Variants in FAF1 observed in about 807,000 individuals in gnomAD.
FAF1 encodes FAS-associated factor 1.
FAF1 carries 25 observed loss-of-function variants against 92.5 expected under a neutral mutation model. That is an observed-to-expected ratio of 0.27 (90% CI 0.20 to 0.38). The LOEUF (loss-of-function observed/expected upper bound fraction) is 0.38, where lower values mean the gene tolerates loss of function less well. FAF1 is among the 10% of genes least tolerant of loss of function. The probability of loss-of-function intolerance (pLI) is 1.00; values close to 1 mark genes in which losing one functional copy is unlikely to be tolerated. For missense variants in FAF1, 636 were observed against 793.3 expected, an observed-to-expected ratio of 0.80 and a Z score of 2.38; for synonymous variants, 234 against 273.2, an observed-to-expected ratio of 0.86 and a Z score of 1.42.
At chr1:50,846,541 G>T in intron 2 of FAF1, 1 of 509,158 alleles carries the variant, frequency 2.0e-6, no homozygotes. Flanking sequence ...TGAAACATAC[G>T]ATAGAGGTTC....
At position 50,439,479 on chromosome 1, in the gene FAF1, TTAGAG is replaced by T. The variant is rs551710067; in HGVS notation, c.*1956_*1960del. On this transcript the variant is annotated 3_prime_UTR_variant, in exon 19 of 19. Coordinates refer to ENST00000396153, the MANE Select transcript of FAF1 (RefSeq NM_007051.3). Reference sequence around the variant, plus strand: ...TTTAATAACTTCCATGAAATTGGCTTTAGAGTAAAGTCTATATTGTTGTAATACAG... The same window carrying T: ...TTTAATAACTTCCATGAAATTGGCTTTAAAGTCTATATTGTTGTAATACAG... 329 of 152,318 alleles carry T rather than the reference TTAGAG, an allele frequency of 2.2e-3. 1 individual carries two copies. Among genetic ancestry groups the T allele is most frequent in the African/African-American group, 7.5e-3 (310 of 41,574 alleles). 9.4% of individuals were successfully genotyped at this position (152,318 alleles called of 1,614,324 possible).
intron 8 of FAF1, among the ~76,000 whole-genome samples, chr1:50,642,821 TC>T (rs1303225429): frequency 1.3e-5 from 2 of 152,040 alleles, no homozygotes; most frequent in African/African-American, 4.8e-5. Context: ...TGTTCTCTGT[TC>T]CCTTTTTTTC....
rs953594097 is a variant in FAF1 at position 50,583,253 on chromosome 1, GA to G, written c.1031+398del. ...GAAGAAATGTAAAGCAATTCCAAAAGAAAAAAATAAAGGAAAAAATTCACTT... is the reference window on the plus strand; with the variant it reads ...GAAGAAATGTAAAGCAATTCCAAAAGAAAAAATAAAGGAAAAAATTCACTT... On this transcript the variant is annotated intron_variant, in intron 11 of 18. Transcript: ENST00000396153. The surrounding 1 kb of genome is among the most constrained non-coding windows in gnomAD (Gnocchi z 4.2). 4.8e-4 allele frequency among the ~76,000 whole-genome samples: 73 copies of G among 150,668 alleles called. 1 individual carries two copies. Among genetic ancestry groups the G allele is most frequent in the African/African-American group, 1.8e-3 (72 of 41,008 alleles).
chr1:50,872,109 T>C (rs1644533457), intron 1 of FAF1, among the ~76,000 whole-genome samples: 1 of 151,068 alleles, frequency 6.6e-6, no homozygotes, highest in Non-Finnish European at 1.5e-5. Flanking sequence ...TTCATAAAGC[T>C]ATAATAGCTG....
intron 6 of FAF1, among the ~76,000 whole-genome samples, chr1:50,720,416 T>G (rs968514911): frequency 2.0e-5 from 3 of 152,220 alleles, no homozygotes; most frequent in Non-Finnish European, 4.4e-5. Context: ...TTATATCAAT[T>G]TATTCTTGAG....
chr1:50,742,861 A>G (rs1659442685), intron 5 of FAF1, among the ~76,000 whole-genome samples: 1 of 152,138 alleles, frequency 6.6e-6, no homozygotes, highest in Non-Finnish European at 1.5e-5. Flanking sequence ...CTGTGGGTCA[A>G]ACCCAGCCTG....
intron 1 of FAF1, among the ~76,000 whole-genome samples, chr1:50,875,544 C>T (rs573924939): frequency 3.3e-5 from 5 of 152,196 alleles, no homozygotes; most frequent in African/African-American, 1.2e-4. Context: ...CCTCCCTCTC[C>T]CAGGTTCAAG....
chr1:50,615,804 T>A (rs1652889023), intron 8 of FAF1, among the ~76,000 whole-genome samples: 1 of 152,110 alleles, frequency 6.6e-6, no homozygotes, highest in African/African-American at 2.4e-5. Flanking sequence ...CCATTCTGTA[T>A]GTCATTTACT....
intron 2 of FAF1, among the ~76,000 whole-genome samples, chr1:50,831,674 T>G (rs950908492): frequency 1.3e-5 from 2 of 152,192 alleles, no homozygotes; most frequent in Non-Finnish European, 2.9e-5. Flanking sequence ...AAAAAATTCA[T>G]GTCTTTTTCT....
Position 50,441,479 on chromosome 1 carries a change from C to T in FAF1, c.1914G>A (p.Leu638=), listed in dbSNP as rs1242480311. ...CAAGGAAAAGGGTTTCTTGAGGGAA[C>T]AACTTTACCTCCAATAATGATTTAT... ...DPNKSLLEVK[L]FPQETLFLEA... is the part of the protein sequence containing the mutation. Residue 638 remains leucine, a synonymous_variant, in exon 19 of 19, where the codon TTG becomes TTA. Transcript: ENST00000396153. 6.5e-7 allele frequency: 1 copy of T among 1,545,984 alleles called. No homozygotes were observed. The highest frequency in any genetic ancestry group is 1.7e-4 in the Middle Eastern group (1 of 5,966).
At chr1:50,650,400 G>C (rs6671757) in intron 8 of FAF1, among the ~76,000 whole-genome samples, 125 of 151,816 alleles carry the variant, frequency 8.2e-4, no homozygotes, top group African/African-American at 3.0e-3. Flanking sequence ...GAGGCCAAGA[G>C]TTCGAGGCCA....
intron 3 of FAF1, among the ~76,000 whole-genome samples, chr1:50,797,668 G>C (rs1192938093): frequency 6.6e-6 from 1 of 152,054 alleles, no homozygotes; most frequent in Non-Finnish European, 1.5e-5. Flanking sequence ...CTGGGCTACA[G>C]AGCAAGAGCC....
At chr1:50,887,570 G>T (rs1050689812) in intron 1 of FAF1, among the ~76,000 whole-genome samples, 1 of 152,148 alleles carries the variant, frequency 6.6e-6, no homozygotes, top group Non-Finnish European at 1.5e-5. Context: ...TGTAAGGAAG[G>T]GATCCAGTTT....
intron 1 of FAF1, among the ~76,000 whole-genome samples, chr1:50,938,116 A>T (rs1426849062): frequency 6.6e-6 from 1 of 152,220 alleles, no homozygotes; most frequent in Non-Finnish European, 1.5e-5. Flanking sequence ...CACAATGCCA[A>T]CCATACCACT....
At chr1:50,788,648 C>T (rs773239955) in intron 3 of FAF1, among the ~76,000 whole-genome samples, 2 of 152,162 alleles carry the variant, frequency 1.3e-5, no homozygotes, top group Non-Finnish European at 2.9e-5. Context: ...CCCTATCTCA[C>T]ATCTCAGTGT....
At chr1:50,578,950 G>C (rs1650873236) in intron 12 of FAF1, among the ~76,000 whole-genome samples, 1 of 152,098 alleles carries the variant, frequency 6.6e-6, no homozygotes, top group Non-Finnish European at 1.5e-5. Context: ...AATGAGGAAA[G>C]AAGAAAGCCC....
intron 1 of FAF1, among the ~76,000 whole-genome samples, chr1:50,935,150 G>C (rs1012584008): frequency 1.3e-5 from 2 of 152,114 alleles, no homozygotes; most frequent in African/African-American, 4.8e-5. Context: ...GTTTTAAATA[G>C]GAGAAATGGT....
At chr1:50,894,901 G>C (rs992123114) in intron 1 of FAF1, among the ~76,000 whole-genome samples, 2 of 152,010 alleles carry the variant, frequency 1.3e-5, no homozygotes, top group Non-Finnish European at 2.9e-5. Flanking sequence ...ATATCAAGAG[G>C]GAAGTTTATA....
chr1:50,833,710 TC>T (rs1478018038), intron 2 of FAF1, among the ~76,000 whole-genome samples: 1 of 151,750 alleles, frequency 6.6e-6, no homozygotes, highest in Non-Finnish European at 1.5e-5. Flanking sequence ...AAGAGTAGAC[TC>T]ATTAGAACAA....
Sources: gnomAD v4.1 joint callset for allele counts (sites outside exome capture counted in the v4.1 genomes callset) on GRCh38, gnomAD v4.1.1 for gene constraint, Gnocchi (gnomAD v3.1) non-coding constraint, MANE v1.5 for transcripts, NCBI Gene and HGNC (gene_info 2026-07-23, HGNC 2026-07-21) for gene names.